The following CDH18 variants were observed in gnomAD, a reference collection of about 807,000 sequenced individuals.
CDH18 encodes cadherin 18.
Under a neutral mutation model 67.9 loss-of-function variants are expected in CDH18, and 31 were observed. That is an observed-to-expected ratio of 0.46 (90% confidence interval 0.34 to 0.62). CDH18 has a LOEUF of 0.62. Ranked by LOEUF, CDH18 falls within the 20% of genes least tolerant of loss-of-function variation. The pLI is 0.01. For synonymous variants in CDH18, 362 were observed against 347.2 expected, an observed-to-expected ratio of 1.04 and a Z score of -0.48; for missense variants, 890 against 975.5, an observed-to-expected ratio of 0.91 and a Z score of 1.17.
intron 5 of CDH18, among the ~76,000 whole-genome samples, chr5:19,696,522 C>T (rs568417973): frequency 2.3e-3 from 348 of 149,920 alleles, no homozygotes; most frequent in Middle Eastern, 3.5e-3. Flanking sequence ...AGTGACAGAG[C>T]GAGACTCCAT....
intron 5 of CDH18, among the ~76,000 whole-genome samples, chr5:19,613,398 A>T (rs1580496574): frequency 6.6e-6 from 1 of 152,170 alleles, no homozygotes; most frequent in Non-Finnish European, 1.5e-5. Context: ...TATAGGCAGG[A>T]GGCATATTAA....
intron 2 of CDH18, among the ~76,000 whole-genome samples, chr5:20,150,037 A>G (rs1750979222): frequency 6.6e-6 from 1 of 152,168 alleles, no homozygotes; most frequent in Non-Finnish European, 1.5e-5. Context: ...CTGCAAAGGA[A>G]TAACAACTGT....
At chr5:20,293,683 T>C (rs1747270357) in intron 1 of CDH18, among the ~76,000 whole-genome samples, 1 of 152,246 alleles carries the variant, frequency 6.6e-6, no homozygotes, top group Non-Finnish European at 1.5e-5. Flanking sequence ...GAGCTTGAGA[T>C]ATTTATACAC....
chr5:19,506,844 G>T (rs1243778754), intron 10 of CDH18, among the ~76,000 whole-genome samples: 2 of 152,182 alleles, frequency 1.3e-5, no homozygotes, highest in Non-Finnish European at 2.9e-5. Context: ...ATAGGCATGG[G>T]CAAGGACTTC....
At chr5:20,528,252 G>A (rs192911261) in intron 1 of CDH18, among the ~76,000 whole-genome samples, 20 of 151,980 alleles carry the variant, frequency 1.3e-4, no homozygotes, top group African/African-American at 4.8e-4. Context: ...AGAGCACCCA[G>A]ATTCATAAAA....
chr5:20,107,755 TC>T (rs1747090073), intron 2 of CDH18, among the ~76,000 whole-genome samples: 2 of 151,550 alleles, frequency 1.3e-5, no homozygotes, highest in Admixed American at 6.6e-5. Flanking sequence ...TTTTTCCACT[TC>T]TTTTTTTTTT....
At chr5:19,522,251 A>C (rs1248763811) in intron 9 of CDH18, among the ~76,000 whole-genome samples, 2 of 149,362 alleles carry the variant, frequency 1.3e-5, no homozygotes, top group Non-Finnish European at 2.9e-5. Flanking sequence ...TCTAAAAACC[A>C]TCCAATAAAA....
chr5:20,305,303 C>A lies in CDH18; in HGVS notation c.-579-49798G>T. 9.7e-6 allele frequency: 15 copies of A among 1,546,930 alleles called. No individual in the cohort carries two copies. In the South Asian group the frequency reaches 1.7e-4, roughly 17 times the overall value. ...TTAAAGCCTCCTCTACTGTCAGATT[C>A]GAATCCAACATTTCTGCGCTTTGCT... On this transcript the variant is annotated intron_variant, in intron 1 of 14. Transcript: ENST00000507958.
intron 2 of CDH18, among the ~76,000 whole-genome samples, chr5:20,201,733 G>C (rs1390734495): frequency 1.3e-5 from 2 of 152,124 alleles, no homozygotes; most frequent in Non-Finnish European, 2.9e-5. Flanking sequence ...TCCAGATCAA[G>C]TAGAACTTGA....
intron 1 of CDH18, among the ~76,000 whole-genome samples, chr5:20,410,729 T>C (rs1051101663): frequency 1.3e-5 from 2 of 151,776 alleles, no homozygotes; most frequent in Non-Finnish European, 3.0e-5. Context: ...TGTAGGCAAA[T>C]GCCATGATTT....
chr5:19,819,680 T>C (rs1779656318), intron 3 of CDH18, among the ~76,000 whole-genome samples: 1 of 152,100 alleles, frequency 6.6e-6, no homozygotes, highest in Admixed American at 6.5e-5. Flanking sequence ...GGCAGAGGCT[T>C]GCACAGAGCC....
chr5:19,959,810 G>A (rs977966571), intron 2 of CDH18, among the ~76,000 whole-genome samples: 1 of 152,022 alleles, frequency 6.6e-6, no homozygotes, highest in African/African-American at 2.4e-5. Flanking sequence ...AACCTAGAGG[G>A]GATAGGCTAC....
intron 12 of CDH18, among the ~76,000 whole-genome samples, chr5:19,477,400 C>CA (rs375503594): frequency 0.016 from 2,321 of 145,750 alleles, 52 homozygotes; most frequent in African/African-American, 0.052. Context: ...TGTGGACAAA[C>CA]AAAAAAAAAA....
intron 1 of CDH18, among the ~76,000 whole-genome samples, chr5:20,297,825 G>A (rs1156805294): frequency 6.6e-6 from 1 of 152,166 alleles, no homozygotes; most frequent in South Asian, 2.1e-4. Flanking sequence ...TCATATTACA[G>A]AATGAAGTAT....
intron 1 of CDH18, among the ~76,000 whole-genome samples, chr5:20,537,713 A>C (rs1756808886): frequency 6.6e-6 from 1 of 152,198 alleles, no homozygotes. Flanking sequence ...CTGGCAAAAT[A>C]AAACCATTGT....
At chr5:19,500,446 G>A (rs1743052746) in intron 11 of CDH18, among the ~76,000 whole-genome samples, 1 of 152,090 alleles carries the variant, frequency 6.6e-6, no homozygotes, top group African/African-American at 2.4e-5. Flanking sequence ...AGGCTCAGGA[G>A]GTTTAGGGGC....
intron 5 of CDH18, among the ~76,000 whole-genome samples, chr5:19,651,788 C>A (rs938523217): frequency 6.6e-6 from 1 of 152,038 alleles, no homozygotes; most frequent in Middle Eastern, 3.2e-3. Context: ...TCTAAATAAT[C>A]ATTTTTTGAA....
chr5:19,829,816 A>G (rs748982948), intron 3 of CDH18, among the ~76,000 whole-genome samples: 1 of 152,214 alleles, frequency 6.6e-6, no homozygotes, highest in African/African-American at 2.4e-5. Context: ...CCAAAACAAC[A>G]TGGTACAAGT....
At chr5:19,505,626 A>G in intron 10 of CDH18, among the ~76,000 whole-genome samples, 1 of 151,996 alleles carries the variant, frequency 6.6e-6, no homozygotes, top group South Asian at 2.1e-4. Context: ...AGCTTTATTG[A>G]TTTGCATATG....
Sources: gnomAD v4.1 joint callset for allele counts (sites outside exome capture counted in the v4.1 genomes callset) on GRCh38, gnomAD v4.1.1 for gene constraint, MANE v1.5 for transcripts, NCBI Gene and HGNC (gene_info 2026-07-23, HGNC 2026-07-21) for gene names.